RPRD1A: variants seen among roughly 807,000 people sequenced by gnomAD.
RPRD1A encodes regulation of nuclear pre-mRNA domain containing 1A.
A neutral mutation model predicts 37.8 loss-of-function variants in RPRD1A; 9 were observed. That is an observed-to-expected ratio of 0.24 (90% CI 0.14 to 0.42). The LOEUF (loss-of-function observed/expected upper bound fraction) is 0.42, where lower values mean the gene tolerates loss of function less well. Ranked by LOEUF, RPRD1A falls within the 10% of genes least tolerant of loss-of-function variation. The probability of loss-of-function intolerance (pLI) is 1.00; values close to 1 mark genes in which losing one functional copy is unlikely to be tolerated. For synonymous variants in RPRD1A, 138 were observed against 139.7 expected (o/e 0.99, Z 0.08); for missense variants, 255 against 371.0 (o/e 0.69, Z 2.57).
intron 6 of RPRD1A, among the ~76,000 whole-genome samples, chr18:36,018,386 G>A (rs1036749331): frequency 1.3e-5 from 2 of 151,478 alleles, no homozygotes; most frequent in African/African-American, 2.4e-5. Context: ...CCATTCTCCT[G>A]CCTCACACTC....
At chr18:36,064,573 A>G (rs1419267818) in intron 1 of RPRD1A, 1 of 152,272 alleles carries the variant, frequency 6.6e-6, no homozygotes, top group Non-Finnish European at 1.5e-5. Context: ...TCTAGCTAAA[A>G]GTTTGTAAAT....
intron 6 of RPRD1A, among the ~76,000 whole-genome samples, chr18:36,004,348 G>T (rs1273835239): frequency 6.6e-6 from 1 of 151,958 alleles, no homozygotes; most frequent in Non-Finnish European, 1.5e-5. Flanking sequence ...TCTGCCTCCT[G>T]CGCTCAAATG....
chr18:36,032,559 G>A (rs900222379), intron 2 of RPRD1A, among the ~76,000 whole-genome samples: 1 of 152,174 alleles, frequency 6.6e-6, no homozygotes, highest in African/African-American at 2.4e-5. Context: ...GACCAGCTCT[G>A]CAACTCTGTC....
At chr18:35,997,134 C>G (rs1645447926) in intron 6 of RPRD1A, among the ~76,000 whole-genome samples, 1 of 151,832 alleles carries the variant, frequency 6.6e-6, no homozygotes, top group African/African-American at 2.4e-5. Flanking sequence ...AAGCCAAATA[C>G]AGTACAAATT....
chr18:36,057,430 A>C (rs1913869920), intron 1 of RPRD1A, among the ~76,000 whole-genome samples: 1 of 152,142 alleles, frequency 6.6e-6, no homozygotes, highest in South Asian at 2.1e-4. Context: ...CAATATGGCA[A>C]ACACGGTCTC....
In RPRD1A at chr18:36,033,878, T is replaced by C. The variant is rs757193132; in HGVS notation, c.152-41A>G. ...AAGTTAAAAATCTACTTAAAACATC[T>C]TTACTTGGACAAACTTTCTCAATAC... On this transcript the variant is annotated intron_variant, in intron 1 of 6. Transcript: ENST00000399022. The C allele has an allele frequency of 7.7e-6, 12 of 1,550,284 alleles. No individual in the cohort carries two copies. The East Asian group carries it at 1.8e-4, about 23-fold the overall frequency.
At chr18:36,022,426 G>A (rs1280435831) in intron 6 of RPRD1A, among the ~76,000 whole-genome samples, 2 of 152,194 alleles carry the variant, frequency 1.3e-5, no homozygotes, top group Non-Finnish European at 2.9e-5. Context: ...CATAGCTAGA[G>A]AGAAATAAAT....
At chr18:36,055,489 T>C (rs1028017490) in intron 1 of RPRD1A, among the ~76,000 whole-genome samples, 1 of 152,226 alleles carries the variant, frequency 6.6e-6, no homozygotes, top group Non-Finnish European at 1.5e-5. Flanking sequence ...GTGCATTTCA[T>C]GATACTCTTT....
chr18:35,997,919 T>A (rs536888298), intron 6 of RPRD1A, among the ~76,000 whole-genome samples: 1 of 152,198 alleles, frequency 6.6e-6, no homozygotes, highest in African/African-American at 2.4e-5. Context: ...CCATCCTTCA[T>A]AACGTTCTTT....
chr18:36,004,945 A>G (rs1909651203), intron 6 of RPRD1A, among the ~76,000 whole-genome samples: 1 of 151,956 alleles, frequency 6.6e-6, no homozygotes, highest in South Asian at 2.1e-4. Context: ...AATAGAAGAC[A>G]ATATAAATCT....
chr18:36,030,670 A>C, intron 4 of RPRD1A, 138 bp downstream of exon 4: 5 of 591,948 alleles, frequency 8.4e-6, no homozygotes, highest in East Asian at 2.8e-5. Flanking sequence ...TTAATGAGGA[A>C]GAGATATTCA....
intron 1 of RPRD1A, among the ~76,000 whole-genome samples, chr18:36,042,306 T>C (rs1350623260): frequency 6.6e-6 from 1 of 152,202 alleles, no homozygotes; most frequent in Admixed American, 6.5e-5. Context: ...TTTCATGTAG[T>C]GCTTCACAAC....
intron 2 of RPRD1A, among the ~76,000 whole-genome samples, chr18:36,033,398 T>C (rs1911954981): frequency 6.6e-6 from 1 of 152,032 alleles, no homozygotes; most frequent in South Asian, 2.1e-4. Flanking sequence ...ACACAAATTT[T>C]TACTTCAATA....
intron 6 of RPRD1A, among the ~76,000 whole-genome samples, chr18:36,016,768 T>C (rs910690080): frequency 6.6e-6 from 1 of 152,198 alleles, no homozygotes; most frequent in Non-Finnish European, 1.5e-5. Flanking sequence ...AACAGTTAGC[T>C]GGCTAAACAA....
intron 1 of RPRD1A, among the ~76,000 whole-genome samples, chr18:36,038,283 G>A (rs1208228332): frequency 6.6e-6 from 1 of 152,208 alleles, no homozygotes; most frequent in East Asian, 1.9e-4. Flanking sequence ...TTGTTGCTTT[G>A]TGCAATCTCA....
chr18:36,026,261 C>G (rs1390451900), intron 6 of RPRD1A: 1 of 152,278 alleles, frequency 6.6e-6, no homozygotes, highest in African/African-American at 2.4e-5. Flanking sequence ...AAGAACTCAT[C>G]AACTGAAAGA....
intron 1 of RPRD1A, among the ~76,000 whole-genome samples, chr18:36,056,827 T>G (rs372380696): frequency 6.6e-6 from 1 of 152,084 alleles, no homozygotes; most frequent in East Asian, 1.9e-4. Context: ...AAAGCTCAGA[T>G]GACAGCAAGG....
Position 36,027,011 on chromosome 18 carries a change from G to A in RPRD1A, c.678C>T (p.Tyr226=). ...CTATTTCTGCCGCCAATCTGCCATT[G>A]TAATCTGCCAGCAACATACACGCAT... ...VEDACMLLAD[Y]NGRLAAEIDD... Residue 226 remains tyrosine, a synonymous_variant, in exon 6 of 7, where the codon TAC becomes TAT. Coordinates refer to ENST00000399022, the MANE Select transcript of RPRD1A (RefSeq NM_018170.5). 6.2e-7 allele frequency: 1 copy of A among 1,613,986 alleles called. No homozygotes were observed. The highest frequency in any genetic ancestry group is 8.5e-7 in the Non-Finnish European group (1 of 1,179,892).
In RPRD1A at chr18:35,991,606, C is replaced by T. The variant is rs964325425; in HGVS notation, c.*1545G>A. On this transcript the variant is annotated 3_prime_UTR_variant, in exon 7 of 7. Transcript: ENST00000399022. ...ATTCTTTCTGTGAGAAAATGCACCC[C>T]AAGTCCCAAAAGTTGACTAAAAACT... 2.0e-5 allele frequency: 3 copies of T among 152,150 alleles called. No homozygotes were observed. The highest frequency in any genetic ancestry group is 7.2e-5 in the African/African-American group (3 of 41,424). 9.4% of individuals were successfully genotyped at this position (152,150 alleles called of 1,614,324 possible). A position where few individuals can be genotyped will look rare whatever the true frequency, so the allele number is the denominator to read the frequency against.
Sources: gnomAD v4.1 joint callset for allele counts (sites outside exome capture counted in the v4.1 genomes callset) on GRCh38, gnomAD v4.1.1 for gene constraint, MANE v1.5 for transcripts, NCBI Gene and HGNC (gene_info 2026-07-23, HGNC 2026-07-21) for gene names.